GRIP2: variants seen among roughly 807,000 people sequenced by gnomAD.
The protein encoded by GRIP2 is glutamate receptor interacting protein 2.
Under a neutral mutation model 108.3 loss-of-function variants are expected in GRIP2, and 58 were observed. The ratio of observed to expected loss-of-function variants is 0.54; its 90% CI spans 0.43 to 0.67. The LOEUF is 0.67. Among genes scored for constraint, GRIP2 ranks in the 30% least tolerant of loss-of-function variants. The pLI is 0.00. For synonymous variants in GRIP2, 586 were observed against 598.2 expected (o/e 0.98, Z 0.30); for missense variants, 1,278 against 1,430.6 (o/e 0.89, Z 1.72).
chr3:14,524,194 G>C, intron 4 of GRIP2, 199 bp downstream of exon 4: 1 of 607,692 alleles, frequency 1.6e-6, no homozygotes. Context: ...ATTGGCTATA[G>C]AGTCCCACCA....
At chr3:14,532,634 C>A (rs940478123) in intron 1 of GRIP2, among the ~76,000 whole-genome samples, 1 of 151,920 alleles carries the variant, frequency 6.6e-6, no homozygotes. Context: ...GGGACTCAAC[C>A]TGGGTCAGGG....
At chr3:14,504,810 G>A (rs924280439) in intron 20 of GRIP2, among the ~76,000 whole-genome samples, 2 of 152,210 alleles carry the variant, frequency 1.3e-5, no homozygotes, top group Non-Finnish European at 2.9e-5. Context: ...AGAATAAAGT[G>A]TGGCCCCTGT....
At chr3:14,575,769 G>C in the GRIP2 span, among the ~76,000 whole-genome samples, 1 of 152,266 alleles carries the variant, frequency 6.6e-6, no homozygotes, top group African/African-American at 2.4e-5. Flanking sequence ...ATCTTCTGGG[G>C]CATCTGCTGA....
rs552440677 is a variant in GRIP2 at position 14,505,301 on chromosome 3, T to C, written c.2573+314A>G. On this transcript the variant is annotated intron_variant, in intron 20 of 23. Transcript: ENST00000621039. The surrounding 1 kb of genome is among the most constrained non-coding windows in gnomAD (Gnocchi z 4.2). ...AGGCCATCAGGCCATCTGGGGTAAG[T>C]CAGGTGGGCCTGGGTTCAAGTTCTG... 1.1e-4 allele frequency among the ~76,000 whole-genome samples: 16 copies of C among 152,034 alleles called. No homozygotes were observed. Among genetic ancestry groups the C allele is most frequent in the Non-Finnish European group, 2.2e-4 (15 of 67,964 alleles).
the GRIP2 span, among the ~76,000 whole-genome samples, chr3:14,595,761 C>T: frequency 3.9e-5 from 6 of 152,354 alleles, no homozygotes; most frequent in East Asian, 3.9e-4. Context: ...CCAGCAGCTC[C>T]GGCCAAGCCA....
rs1255352400 is a variant in GRIP2 at position 14,512,850 on chromosome 3, G to A, written c.1647C>T (p.Val549=). 4.3e-6 allele frequency: 7 copies of A among 1,613,620 alleles called. No individual in the cohort carries two copies. The African/African-American group carries it at 8.0e-5, about 18-fold the overall frequency. ...LEVEFDVAES[V]IPSSGTFHVK... is the part of the protein sequence containing the mutation. ...CGTGGAAGGTGCCACTGCTTGGGAT[G>A]ACGGACTCTGGGGGTAGATGGACAT... Residue 549 remains valine, a synonymous_variant, in exon 14 of 24, where the codon GTC becomes GTT. Transcript: ENST00000621039. The surrounding 1 kb of genome is among the most constrained non-coding windows in gnomAD (Gnocchi z 5.1).
Position 14,521,312 on chromosome 3 carries a change from C to T in GRIP2, c.712+330G>A, listed in dbSNP as rs924857859. The T allele has an allele frequency of 4.1e-5, 10 of 241,132 alleles. No individual in the cohort carries two copies. The highest frequency in any genetic ancestry group is 3.9e-4 in the Admixed American group (7 of 17,858). 14.9% of individuals were successfully genotyped at this position (241,132 alleles called of 1,614,324 possible). ...GTGAGAGAGCATCCCCCAGCCTGTC[C>T]CATCTCTCTCCCCTGCCTCTTTTCT... On this transcript the variant is annotated intron_variant, in intron 7 of 23. Transcript: ENST00000621039. The surrounding 1 kb of genome is among the most constrained non-coding windows in gnomAD (Gnocchi z 5.1).
intron 17 of GRIP2, among the ~76,000 whole-genome samples, chr3:14,508,230 G>A (rs911228408): frequency 8.5e-5 from 13 of 152,244 alleles, no homozygotes; most frequent in African/African-American, 1.9e-4. Flanking sequence ...ACAGTAGGGC[G>A]TGAAGGGCTG....
rs1454870664 is a variant in GRIP2, at chr3:14,522,105, C to T, written c.567-318G>A. 1.3e-5 allele frequency: 4 copies of T among 298,312 alleles called. No individual in the cohort carries two copies. The highest frequency in any genetic ancestry group is 7.6e-5 in the East Asian group (1 of 13,234). The allele number at this position is 298,312 out of a possible 1,614,324, so 18.5% of individuals were successfully genotyped here. A position where few individuals can be genotyped will look rare whatever the true frequency, so the allele number is the denominator to read the frequency against. On this transcript the variant is annotated intron_variant, in intron 6 of 23. Transcript: ENST00000621039. The surrounding 1 kb of genome is among the most constrained non-coding windows in gnomAD (Gnocchi z 4.3). ...GTCTGAGCTGGGGGTGCTCTTCAAGCGTCACCCCCAACTCCTGCCTCAGGG... is the reference window on the plus strand; with the variant it reads ...GTCTGAGCTGGGGGTGCTCTTCAAGTGTCACCCCCAACTCCTGCCTCAGGG...
At chr3:14,556,625 C>T (rs541685402), upstream of GRIP2, among the ~76,000 whole-genome samples, 4 of 152,346 alleles carry the variant, frequency 2.6e-5, no homozygotes, top group South Asian at 8.3e-4. Context: ...CGCCTCTTAA[C>T]TCCTAACCCC....
chr3:14,578,435 G>T, the GRIP2 span, among the ~76,000 whole-genome samples: 3 of 152,282 alleles, frequency 2.0e-5, no homozygotes, highest in Admixed American at 2.0e-4. Flanking sequence ...TTTATGAAGG[G>T]GCTGGGCACC....
At chr3:14,541,295 G>C (rs1159714096), upstream of GRIP2, among the ~76,000 whole-genome samples, 2 of 152,170 alleles carry the variant, frequency 1.3e-5, no homozygotes, top group African/African-American at 4.8e-5. Context: ...ATGGTGACAG[G>C]GCACTGAATG....
At chr3:14,519,023 G>A (rs1189291967) in intron 9 of GRIP2, among the ~76,000 whole-genome samples, 1 of 152,258 alleles carries the variant, frequency 6.6e-6, no homozygotes, top group Non-Finnish European at 1.5e-5. Context: ...TGTAAAGTGG[G>A]AGGACAGTAA....
rs1366337294 is a variant in GRIP2 at position 14,525,430 on chromosome 3, T to C, written c.257+7A>G. The C allele has an allele frequency of 6.2e-7, 1 of 1,609,336 alleles. No homozygotes were observed. Among genetic ancestry groups the C allele is most frequent in the African/African-American group, 1.3e-5 (1 of 74,738 alleles). On this transcript the variant is annotated splice_region_variant and intron_variant, in intron 3 of 23. Transcript: ENST00000621039. ...CCTCCTGCGGCCGTGCCAAGCCCAC[T>C]TCTCACCTGGCTGCAAGTCCCCCAG...
rs1693971767 is a variant in GRIP2 at position 14,507,754 on chromosome 3, G to A, written c.2079-54C>T. The A allele has an allele frequency of 4.4e-6, 7 of 1,584,430 alleles. No homozygotes were observed. The highest frequency in any genetic ancestry group is 2.2e-5 in the South Asian group (2 of 90,132). ...GGAGTTAGACACTCAGGGCCTCAGA[G>A]TGGCAGTCTGCCCTCAGGGAATCCA... is the stretch of plus-strand genomic sequence containing the variant. On this transcript the variant is annotated intron_variant, in intron 17 of 23. Transcript: ENST00000621039. The surrounding 1 kb of genome is among the most constrained non-coding windows in gnomAD (Gnocchi z 4.6).
At chr3:14,501,176 C>T (rs1285911264) in intron 21 of GRIP2, among the ~76,000 whole-genome samples, 4 of 152,062 alleles carry the variant, frequency 2.6e-5, no homozygotes, top group Non-Finnish European at 5.9e-5. Context: ...TCCATAGAGA[C>T]AGAGTAGATA....
At chr3:14,575,272 C>T in the GRIP2 span, among the ~76,000 whole-genome samples, 1 of 152,212 alleles carries the variant, frequency 6.6e-6, no homozygotes, top group Non-Finnish European at 1.5e-5. Context: ...AATGCTGATT[C>T]CTTATGTTTG....
intron 21 of GRIP2, among the ~76,000 whole-genome samples, chr3:14,498,000 C>T (rs533715876): frequency 1.3e-5 from 2 of 152,150 alleles, no homozygotes; most frequent in Non-Finnish European, 2.9e-5. Context: ...CTTACTCTAA[C>T]ATCGTGCAAT....
At chr3:14,541,022 G>T (rs1259474592), upstream of GRIP2, among the ~76,000 whole-genome samples, 1 of 152,242 alleles carries the variant, frequency 6.6e-6, no homozygotes, top group South Asian at 2.1e-4. Flanking sequence ...GGCTTGATAG[G>T]CAGGGCCAGT....
Sources: gnomAD v4.1 joint callset for allele counts (sites outside exome capture counted in the v4.1 genomes callset) on GRCh38, gnomAD v4.1.1 for gene constraint, Gnocchi (gnomAD v3.1) non-coding constraint, MANE v1.5 for transcripts, NCBI Gene and HGNC (gene_info 2026-07-23, HGNC 2026-07-21) for gene names.